Variants in UBTF observed in about 807,000 individuals in gnomAD.
The protein encoded by UBTF is upstream binding transcription factor.
In UBTF, 8 loss-of-function variants were observed where a neutral mutation model predicts 112.3. That is an observed-to-expected ratio of 0.07 (90% CI 0.04 to 0.13). UBTF has a LOEUF of 0.13. Among genes scored for constraint, UBTF ranks in the 10% least tolerant of loss-of-function variants. The pLI is 1.00. For missense variants in UBTF, 457 were observed against 982.1 expected (o/e 0.47, Z 7.15); for synonymous variants, 417 against 373.1 (o/e 1.12, Z -1.36).
Position 44,211,301 on chromosome 17 carries a change from G to A in UBTF, c.1078C>T (p.Arg360Cys). ...KKKDYEVELL[R>C]FLESLPEEEQ... ...GGAGGAACACTCACCTCGAGGAAACGGAGCAGCTCCACCTCGTAATCTTTC... is the reference window on the plus strand; with the variant it reads ...GGAGGAACACTCACCTCGAGGAAACAGAGCAGCTCCACCTCGTAATCTTTC... The change falls in exon 11 of 21, where the codon CGT becomes TGT. Residue 360 changes from arginine (R) to cysteine (C), a missense_variant. Arg to Cys is a radical substitution (Grantham distance 180). Coordinates refer to ENST00000436088, the MANE Select transcript of UBTF (RefSeq NM_014233.4). The surrounding 1 kb of genome is among the most constrained non-coding windows in gnomAD (Gnocchi z 4.9). 1 of 1,614,242 alleles carries A rather than the reference G, an allele frequency of 6.2e-7. No individual in the cohort carries two copies. Among genetic ancestry groups the A allele is most frequent in the Non-Finnish European group, 8.5e-7 (1 of 1,180,038 alleles).
upstream of UBTF, among the ~76,000 whole-genome samples, chr17:44,220,505 TA>T (rs11427102): frequency 2.0e-5 from 3 of 148,504 alleles, no homozygotes; most frequent in Admixed American, 6.7e-5. Flanking sequence ...ATACGAAACT[TA>T]AAAAAAAACC....
At chr17:44,213,430 C>T (rs1362552540) in intron 5 of UBTF, 148 bp from the exon 6 acceptor site, 14 of 809,322 alleles carry the variant, frequency 1.7e-5, no homozygotes, top group East Asian at 8.2e-5. Context: ...CGCCTCCTGG[C>T]GGGACTCACC....
rs187856495 is a variant in UBTF, at chr17:44,211,777, C to T, written c.906-30G>A. ...CAGAGCCGCGGGGAGAGAGGTGCAG[C>T]CCGTAAGCGAGCAGGGCAGCAGGCC... On this transcript the variant is annotated intron_variant, in intron 9 of 20. Transcript: ENST00000436088. This position sits in a 1 kb window ranked among gnomAD's most constrained non-coding sequence, Gnocchi z 4.9. The T allele has an allele frequency of 1.2e-6, 2 of 1,600,146 alleles. No individual in the cohort carries two copies. The highest frequency in any genetic ancestry group is 1.1e-5 in the South Asian group (1 of 90,528).
intron 5 of UBTF, 125 bp from the exon 6 acceptor site, chr17:44,213,407 C>G: frequency 9.4e-7 from 1 of 1,067,620 alleles, no homozygotes; most frequent in East Asian, 2.6e-5. Flanking sequence ...GGAGTGGAGG[C>G]TGGCGCCCTG....
chr17:44,208,837 G>C (rs982207221), intron 17 of UBTF: 1 of 295,304 alleles, frequency 3.4e-6, no homozygotes, highest in Non-Finnish European at 6.7e-6. Context: ...TACTTACTGT[G>C]TGACCTTGGG....
At chr17:44,212,311 G>C (rs747853599) in intron 8 of UBTF, 33 bp downstream of exon 8, 1 of 1,579,514 alleles carries the variant, frequency 6.3e-7, no homozygotes, top group South Asian at 1.1e-5. Flanking sequence ...CTCGTGAAGA[G>C]CCGGACGGGG....
At chr17:44,212,989 G>A in intron 6 of UBTF, 50 bp from the exon 7 acceptor site, 1 of 1,601,344 alleles carries the variant, frequency 6.2e-7, no homozygotes, top group Non-Finnish European at 8.5e-7. Context: ...TGCCAGGGCA[G>A]ACTCAAGCTA....
intron 8 of UBTF, 146 bp from the exon 9 acceptor site, chr17:44,212,152 T>G: frequency 2.0e-6 from 1 of 510,752 alleles, no homozygotes; most frequent in Non-Finnish European, 3.3e-6. Context: ...CGTGGTGCCC[T>G]GCCCTGCCCT....
In UBTF at chr17:44,211,069, G is replaced by A. The variant is rs764150908; in HGVS notation, c.1173C>T (p.Ala391=). The A allele has an allele frequency of 6.2e-7, 1 of 1,612,752 alleles. No individual in the cohort carries two copies. Among genetic ancestry groups the A allele is most frequent in the Non-Finnish European group, 8.5e-7 (1 of 1,179,908 alleles). The change falls in exon 12 of 21, where the codon GCC becomes GCT. Residue 391 remains alanine (A), a synonymous_variant. Coordinates refer to ENST00000436088, the MANE Select transcript of UBTF (RefSeq NM_014233.4). This position sits in a 1 kb window ranked among gnomAD's most constrained non-coding sequence, Gnocchi z 4.9. ...NINKKQATSP[A]SKKPAQEGGK... ...CCCCTTCCTGGGCTGGCTTCTTGGA[G>A]GCGGGGCTGGTGGCCTGCTTCTTGT...
chr17:44,219,925 C>G (rs1026586439), upstream of UBTF, among the ~76,000 whole-genome samples: 5 of 151,192 alleles, frequency 3.3e-5, no homozygotes, highest in African/African-American at 1.2e-4. Context: ...CCTCCCACAG[C>G]CTGCCCGGGC....
intron 7 of UBTF, 48 bp from the exon 8 acceptor site, chr17:44,212,502 G>A: frequency 8.4e-7 from 1 of 1,184,368 alleles, no homozygotes; most frequent in South Asian, 1.3e-5. Flanking sequence ...AGGGGCAGGG[G>A]GAGGGGGGAA....
chr17:44,210,570 A>G, intron 13 of UBTF, 97 bp from the exon 14 acceptor site: 3 of 1,444,868 alleles, frequency 2.1e-6, no homozygotes, highest in East Asian at 2.5e-5. Flanking sequence ...GGGCAGAAGC[A>G]TGGGCTGGTG....
Position 44,211,893 on chromosome 17 carries a change from C to A in UBTF, c.885G>T (p.Gly295=), listed in dbSNP as rs1238463027. The part of the protein sequence containing the change: ...AERQLKDKFD[G]RPTKPPPNSY... ...CTCACGGAGGTGGCTTGGTGGGTCG[C>A]CCGTCAAACTTGTCCTTGAGCTGGC... Residue 295 remains glycine (G), a synonymous_variant, in exon 9 of 21, where the codon GGG becomes GGT. Transcript: ENST00000436088. The surrounding 1 kb of genome is among the most constrained non-coding windows in gnomAD (Gnocchi z 4.9). The A allele has an allele frequency of 4.3e-6, 7 of 1,613,588 alleles. No homozygotes were observed. In the African/African-American group the frequency reaches 9.3e-5, roughly 22 times the overall value.
At chr17:44,212,078 C>T (rs1232737072) in intron 8 of UBTF, 72 bp from the exon 9 acceptor site, 17 of 1,518,556 alleles carry the variant, frequency 1.1e-5, no homozygotes, top group Admixed American at 1.8e-5. Context: ...GGGGGAGAGC[C>T]GCTGGGGAGG....
intron 5 of UBTF, chr17:44,215,319 G>A (rs1164821559): frequency 1.1e-5 from 3 of 270,122 alleles, no homozygotes; most frequent in East Asian, 7.9e-5. Flanking sequence ...GACGGGAAAC[G>A]TCATAGAGGG....
rs188300690 is a variant in UBTF, at chr17:44,210,119, C to A, written c.1626+5G>T. Reference sequence around the variant, plus strand: ...TGAATGGGGTGGCCCCAGCCCCATTCCTACCTCATATCGCTTTTGGTCTTC... The same window carrying A: ...TGAATGGGGTGGCCCCAGCCCCATTACTACCTCATATCGCTTTTGGTCTTC... On this transcript the variant is annotated splice_donor_5th_base_variant and intron_variant, in intron 15 of 20. Transcript: ENST00000436088. The A allele has an allele frequency of 6.2e-7, 1 of 1,614,212 alleles. No homozygotes were observed. Among genetic ancestry groups the A allele is most frequent in the Admixed American group, 1.7e-5 (1 of 60,030 alleles).
chr17:44,211,441 T>G lies in UBTF; in HGVS notation c.1048-110A>C. On this transcript the variant is annotated intron_variant, in intron 10 of 20. Coordinates refer to ENST00000436088, the MANE Select transcript of UBTF (RefSeq NM_014233.4). This position sits in a 1 kb window ranked among gnomAD's most constrained non-coding sequence, Gnocchi z 4.9. The stretch of plus-strand genomic sequence containing the variant: ...GGGCCTCCAGAGCCTGGGTGTGGGC[T>G]GGACTCCCTGCCTGGACGGGCTCAG... 6.4e-7 allele frequency: 1 copy of G among 1,570,750 alleles called. No individual in the cohort carries two copies. The highest frequency in any genetic ancestry group is 8.7e-7 in the Non-Finnish European group (1 of 1,146,250).
chr17:44,210,153 T>G lies in UBTF; in HGVS notation c.1597A>C (p.Lys533Gln), dbSNP rs1246455374. 1 of 1,614,084 alleles carries G rather than the reference T, an allele frequency of 6.2e-7. No individual in the cohort carries two copies. Among genetic ancestry groups the G allele is most frequent in the Non-Finnish European group, 8.5e-7 (1 of 1,180,038 alleles). Residue 533 changes from lysine to glutamine, a missense_variant, in exon 15 of 21, where the codon AAG becomes CAG. By Grantham distance (53) the Lys-to-Gln change is moderately conservative. Coordinates refer to ENST00000436088, the MANE Select transcript of UBTF (RefSeq NM_014233.4). ...EKKEKLMWIK[K>Q]AAEDQKRYER... ...TATCGCTTTTGGTCTTCGGCTGCCT[T>G]CTTAATCCACATCAGTTTCTCCTTC... is the stretch of plus-strand genomic sequence containing the variant.
In UBTF at chr17:44,211,506, G is replaced by C; in HGVS notation, c.1047+100C>G. Reference sequence around the variant, plus strand: ...CCAGCCCCACACTGTATTGGAGGCAGGTACCCAAGGCACACGCCACCAGGG... The same window carrying C: ...CCAGCCCCACACTGTATTGGAGGCACGTACCCAAGGCACACGCCACCAGGG... On this transcript the variant is annotated intron_variant, in intron 10 of 20. Coordinates refer to ENST00000436088, the MANE Select transcript of UBTF (RefSeq NM_014233.4). The surrounding 1 kb of genome is among the most constrained non-coding windows in gnomAD (Gnocchi z 4.9). The C allele has an allele frequency of 1.3e-6, 2 of 1,554,350 alleles. No individual in the cohort carries two copies. Among genetic ancestry groups the C allele is most frequent in the East Asian group, 2.3e-5 (1 of 44,430 alleles).
Sources: allele counts gnomAD v4.1 joint callset (sites outside exome capture counted in the v4.1 genomes callset), GRCh38; gene constraint gnomAD v4.1.1; non-coding constraint Gnocchi (gnomAD v3.1); transcripts MANE v1.5; gene names NCBI Gene and HGNC (gene_info 2026-07-23, HGNC 2026-07-21).